BRWD1: variants seen among roughly 807,000 people sequenced by gnomAD.
BRWD1 encodes the protein bromodomain and WD repeat-containing protein 1.
In BRWD1, 82 loss-of-function variants were observed where a neutral mutation model predicts 251.2. The ratio of observed to expected loss-of-function variants is 0.33; its 90% CI spans 0.27 to 0.39. The LOEUF (loss-of-function observed/expected upper bound fraction) is 0.39, where lower values mean the gene tolerates loss of function less well. Ranked by LOEUF, BRWD1 falls within the 10% of genes least tolerant of loss-of-function variation. BRWD1 has a pLI of 1.00. For missense variants in BRWD1, 2,233 were observed against 2,711.6 expected (o/e 0.82, Z 3.92); for synonymous variants, 918 against 902.8 (o/e 1.02, Z -0.30).
At chr21:39,287,783 GTTC>G (rs148325297) in intron 8 of BRWD1, among the ~76,000 whole-genome samples, 2,305 of 151,952 alleles carry the variant, frequency 0.015, 55 homozygotes, top group African/African-American at 0.053. Flanking sequence ...CTTCTTGTTT[GTTC>G]TTCTCCTAAC....
chr21:39,313,609 G>A lies in BRWD1; in HGVS notation c.-118C>T, dbSNP rs1481067445. 2 of 822,876 alleles carry A rather than the reference G, an allele frequency of 2.4e-6. No homozygotes were observed. The highest frequency in any genetic ancestry group is 1.8e-5 in the African/African-American group (1 of 54,394). The allele number at this position is 822,876 out of a possible 1,614,324, so 51.0% of individuals were successfully genotyped here. A position where few individuals can be genotyped will look rare whatever the true frequency, so the allele number is the denominator to read the frequency against. On this transcript the variant is annotated 5_prime_UTR_variant, in exon 1 of 41. Transcript: ENST00000342449. ...GGCGCGCGCCGCCGCCGCCGCCGCC[G>A]CCGCCATACCGTGCGCGCCGCCTGG...
chr21:39,224,621 A>T (rs2033308842), intron 28 of BRWD1, 152 bp from the exon 29 acceptor site: 1 of 553,632 alleles, frequency 1.8e-6, no homozygotes, highest in African/African-American at 1.9e-5. Flanking sequence ...AGAAGGATAT[A>T]TTATTAAAAT....
chr21:39,197,145 T>C lies in BRWD1; in HGVS notation c.5924A>G (p.Lys1975Arg), dbSNP rs1275425156. The C allele has an allele frequency of 1.2e-6, 2 of 1,614,134 alleles. No homozygotes were observed. Among genetic ancestry groups the C allele is most frequent in the Non-Finnish European group, 1.7e-6 (2 of 1,179,982 alleles). The change falls in exon 41 of 41, where the codon AAA becomes AGA. Residue 1975 changes from lysine (K) to arginine (R), a missense_variant. Coordinates refer to ENST00000342449, the MANE Select transcript of BRWD1 (RefSeq NM_033656.4). ...LHLACTTAKKKLSDCEGSVHC... is the reference protein window; with the variant it reads ...LHLACTTAKKRLSDCEGSVHC... ...TACACTTCCTTCACAATCACTCAAT[T>C]TCTTCTTAGCTGTAGTACAAGCAAG...
In BRWD1 at chr21:39,280,062, T is replaced by C. The variant is rs2035409071; in HGVS notation, c.932+86A>G. ...TAAAAAAAAGCAACAATACACAATT[T>C]CTCATAACAATAAAACTTCATTTCA... is the stretch of plus-strand genomic sequence containing the variant. On this transcript the variant is annotated intron_variant, in intron 9 of 40. Transcript: ENST00000342449. The C allele has an allele frequency of 6.0e-6, 6 of 998,946 alleles. No individual in the cohort carries two copies. The East Asian group carries it at 1.4e-4, about 23-fold the overall frequency. The allele number at this position is 998,946 out of a possible 1,614,324, so 61.9% of individuals were successfully genotyped here. A position where few individuals can be genotyped will look rare whatever the true frequency, so the allele number is the denominator to read the frequency against.
chr21:39,282,966 A>AG (rs1197898046), intron 8 of BRWD1, among the ~76,000 whole-genome samples: 1 of 151,122 alleles, frequency 6.6e-6, no homozygotes, highest in African/African-American at 2.5e-5. Context: ...TCACAAAAAA[A>AG]AAAAAAAAAA....
chr21:39,203,795 A>G (rs1341595047), intron 37 of BRWD1, among the ~76,000 whole-genome samples: 1 of 150,732 alleles, frequency 6.6e-6, no homozygotes, highest in African/African-American at 2.4e-5. Flanking sequence ...CTTTAAAGCA[A>G]TAATTGTCAA....
chr21:39,306,727 C>T (rs919922953), intron 4 of BRWD1, among the ~76,000 whole-genome samples: 2 of 152,160 alleles, frequency 1.3e-5, no homozygotes, highest in African/African-American at 4.8e-5. Context: ...ATACTGAAAT[C>T]AGAATTTGGT....
At chr21:39,313,975 G>A (rs1333881621), upstream of BRWD1, 1 of 403,332 alleles carries the variant, frequency 2.5e-6, no homozygotes, top group South Asian at 1.7e-5. Flanking sequence ...ACAAGAGGGG[G>A]CGATTCACCG....
At chr21:39,233,670 A>C (rs2033705749) in intron 23 of BRWD1, among the ~76,000 whole-genome samples, 1 of 152,218 alleles carries the variant, frequency 6.6e-6, no homozygotes, top group Non-Finnish European at 1.5e-5. Context: ...CAGATTTGGA[A>C]AGGTTTAACT....
chr21:39,255,692 A>G lies in BRWD1; in HGVS notation c.2208T>C (p.Ala736=). The G allele has an allele frequency of 6.2e-7, 1 of 1,614,200 alleles. No homozygotes were observed. The highest frequency in any genetic ancestry group is 8.5e-7 in the Non-Finnish European group (1 of 1,180,016). The change falls in exon 19 of 41, where the codon GCT becomes GCC. Residue 736 remains alanine (A), a synonymous_variant. Coordinates refer to ENST00000342449, the MANE Select transcript of BRWD1 (RefSeq NM_033656.4). ...SQIATERDLQ[A]WKRRVVVPEV... ...CTGGTACAACCACTCTTCGTTTCCA[A>G]GCCTGCAGGTCACGTTCTGTAGCAA...
intron 27 of BRWD1, among the ~76,000 whole-genome samples, chr21:39,227,777 T>C (rs2033440601): frequency 6.6e-6 from 1 of 152,150 alleles, no homozygotes; most frequent in Non-Finnish European, 1.5e-5. Flanking sequence ...ATTTTCAGTG[T>C]GAAATCTGAA....
chr21:39,202,619 A>G, intron 37 of BRWD1, 74 bp from the exon 38 acceptor site: 1 of 975,666 alleles, frequency 1.0e-6, no homozygotes, highest in East Asian at 2.5e-5. Context: ...AGAATGACTA[A>G]ATAGAAGTAT....
intron 8 of BRWD1, among the ~76,000 whole-genome samples, chr21:39,291,744 C>T (rs7275795): frequency 0.93 from 140,998 of 152,170 alleles, 65,673 homozygotes; most frequent in African/African-American, 0.97. Flanking sequence ...CCTCTCATCA[C>T]GTGACATATG....
chr21:39,236,411 C>A (rs1169670558), intron 23 of BRWD1, among the ~76,000 whole-genome samples, 184 bp downstream of exon 23: 2 of 152,140 alleles, frequency 1.3e-5, no homozygotes, highest in African/African-American at 4.8e-5. Flanking sequence ...CTGCTGCACC[C>A]TGGGAGTGCA....
chr21:39,223,891 A>C (rs2146531847), intron 29 of BRWD1, among the ~76,000 whole-genome samples: 2 of 152,324 alleles, frequency 1.3e-5, no homozygotes, highest in East Asian at 3.9e-4. Context: ...GCTGTCGCCT[A>C]GGCTGGAGTG....
Position 39,193,889 on chromosome 21 carries a change from C to T in BRWD1, c.*2370G>A. On this transcript the variant is annotated 3_prime_UTR_variant, in exon 41 of 41. Coordinates refer to ENST00000342449, the MANE Select transcript of BRWD1 (RefSeq NM_033656.4). ...AAGGTACTTAGGAGTGTGTGTGTCACATATTCAAAGTTAACCTTAGGAATA... is the reference window on the plus strand; with the variant it reads ...AAGGTACTTAGGAGTGTGTGTGTCATATATTCAAAGTTAACCTTAGGAATA... 1 of 985,398 alleles carries T rather than the reference C, an allele frequency of 1.0e-6. No individual in the cohort carries two copies. The highest frequency in any genetic ancestry group is 1.2e-6 in the Non-Finnish European group (1 of 829,630). The allele number at this position is 985,398 out of a possible 1,614,324, so 61.0% of individuals were successfully genotyped here.
At chr21:39,249,913 GGGGTGT>G (rs375384832) in intron 20 of BRWD1, among the ~76,000 whole-genome samples, 35,469 of 132,332 alleles carry the variant, frequency 0.27, 4,378 homozygotes, top group Admixed American at 0.37. Context: ...AAAAAGAAGG[GGGGTGT>G]GTGTGTGTGT....
intron 29 of BRWD1, 42 bp from the exon 30 acceptor site, chr21:39,218,702 CA>C (rs746131776): frequency 6.8e-7 from 1 of 1,467,114 alleles, no homozygotes; most frequent in South Asian, 1.3e-5. Context: ...GAAAAAAACA[CA>C]AAAAATAAAT....
At chr21:39,242,078 C>G (rs764558856) in intron 21 of BRWD1, among the ~76,000 whole-genome samples, 2 of 152,188 alleles carry the variant, frequency 1.3e-5, no homozygotes, top group Non-Finnish European at 2.9e-5. Flanking sequence ...TCACACATAT[C>G]TTACTTTAAC....
Sources: gnomAD v4.1 joint callset for allele counts (sites outside exome capture counted in the v4.1 genomes callset) on GRCh38, gnomAD v4.1.1 for gene constraint, MANE v1.5 for transcripts, NCBI Gene and HGNC (gene_info 2026-07-23, HGNC 2026-07-21) for gene names.